The following PTPRR variants were observed in gnomAD, a reference collection of about 807,000 sequenced individuals.
PTPRR encodes protein tyrosine phosphatase receptor type R, also known as receptor-type tyrosine-protein phosphatase R.
Under a neutral mutation model 77.2 loss-of-function variants are expected in PTPRR, and 38 were observed. That is an observed-to-expected ratio of 0.49 (90% CI 0.38 to 0.65). The LOEUF is 0.65. PTPRR is among the 30% of genes least tolerant of loss of function. PTPRR has a pLI of 0.00. For missense variants in PTPRR, 744 were observed against 799.2 expected (o/e 0.93, Z 0.83); for synonymous variants, 299 against 283.1 (o/e 1.06, Z -0.57).
Position 70,868,283 on chromosome 12 carries a change from A to G in PTPRR, c.357+24396T>C, listed in dbSNP as rs1892894747. 5.9e-5 allele frequency among the ~76,000 whole-genome samples: 9 copies of G among 151,924 alleles called. No individual in the cohort carries two copies. In the South Asian group the frequency reaches 1.7e-3, roughly 28 times the overall value. On this transcript the variant is annotated intron_variant, in intron 2 of 13. Coordinates refer to ENST00000283228, the MANE Select transcript of PTPRR (RefSeq NM_002849.4). ...AAATGGGAAAAAATTTTCGCAACCT[A>G]CTCATCTGACAAAGGGCTAATATCC...
intron 2 of PTPRR, among the ~76,000 whole-genome samples, chr12:70,842,464 T>G (rs73332112): frequency 0.15 from 22,634 of 152,170 alleles, 2,436 homozygotes; most frequent in African/African-American, 0.31. Context: ...TCTCACACAG[T>G]TTTGGAGGCC....
At chr12:70,652,269 A>G (rs757030676) in intron 13 of PTPRR, among the ~76,000 whole-genome samples, 4 of 152,202 alleles carry the variant, frequency 2.6e-5, no homozygotes, top group Non-Finnish European at 5.9e-5. Flanking sequence ...GTATGATAGG[A>G]AAAAGCTGAA....
intron 6 of PTPRR, among the ~76,000 whole-genome samples, chr12:70,702,776 A>G (rs138664643): frequency 2.9e-4 from 44 of 152,198 alleles, no homozygotes; most frequent in Middle Eastern, 6.8e-3. Context: ...TTAGACATTT[A>G]TTTTCCTTAT....
intron 6 of PTPRR, among the ~76,000 whole-genome samples, chr12:70,720,509 ATTTT>A (rs34611421): frequency 6.7e-4 from 91 of 136,814 alleles, no homozygotes; most frequent in East Asian, 2.5e-3. Context: ...TACCCTGGTA[ATTTT>A]TTTTTTTTTT....
intron 2 of PTPRR, among the ~76,000 whole-genome samples, chr12:70,839,445 A>T (rs940688218): frequency 1.3e-5 from 2 of 152,148 alleles, no homozygotes; most frequent in Non-Finnish European, 2.9e-5. Context: ...GTGCAACTGC[A>T]ACATTTTCTT....
chr12:70,791,055 C>T (rs529968832), intron 2 of PTPRR, among the ~76,000 whole-genome samples: 1 of 152,296 alleles, frequency 6.6e-6, no homozygotes, highest in South Asian at 2.1e-4. Flanking sequence ...GTTCTCCCTG[C>T]TTCCACTCTG....
chr12:70,857,468 A>G (rs769579339), intron 2 of PTPRR, among the ~76,000 whole-genome samples: 9 of 152,032 alleles, frequency 5.9e-5, no homozygotes, highest in African/African-American at 9.7e-5. Context: ...AGGATAGACT[A>G]CTCTTTCAAG....
chr12:70,919,839 T>TA (rs1893828865), intron 1 of PTPRR, among the ~76,000 whole-genome samples: 1 of 152,104 alleles, frequency 6.6e-6, no homozygotes, highest in African/African-American at 2.4e-5. Flanking sequence ...GCAGCATCAC[T>TA]AATGTGAACC....
chr12:70,849,641 C>T (rs1354285288), intron 2 of PTPRR, among the ~76,000 whole-genome samples: 1 of 152,138 alleles, frequency 6.6e-6, no homozygotes, highest in African/African-American at 2.4e-5. Context: ...ATTGATTTTT[C>T]CATGAAAAGA....
At position 70,754,484 on chromosome 12, in the gene PTPRR, C is replaced by T. The variant is rs140362138; in HGVS notation, c.628-183G>A. 5 of 1,557,858 alleles carry T rather than the reference C, an allele frequency of 3.2e-6. No individual in the cohort carries two copies. In the East Asian group the frequency reaches 6.7e-5, roughly 21 times the overall value. On this transcript the variant is annotated intron_variant, in intron 4 of 13. Coordinates refer to ENST00000283228, the MANE Select transcript of PTPRR (RefSeq NM_002849.4). ...ACAACAGACTGCCATCCTTATATAT[C>T]GAGATTATTTAGTCTCCTATGCAGG... is the stretch of plus-strand genomic sequence containing the variant.
chr12:70,895,816 C>A (rs557511115), intron 1 of PTPRR, among the ~76,000 whole-genome samples: 2 of 151,670 alleles, frequency 1.3e-5, no homozygotes, highest in African/African-American at 4.8e-5. Flanking sequence ...CTATTTCCTC[C>A]TTCACTTCAG....
At chr12:70,724,438 T>C (rs1889364618) in intron 6 of PTPRR, among the ~76,000 whole-genome samples, 1 of 152,182 alleles carries the variant, frequency 6.6e-6, no homozygotes, top group Admixed American at 6.5e-5. Flanking sequence ...TTAATTGAGA[T>C]AATATGTGTG....
chr12:70,814,170 C>G (rs1565706313), intron 2 of PTPRR, among the ~76,000 whole-genome samples: 1 of 152,198 alleles, frequency 6.6e-6, no homozygotes, highest in East Asian at 1.9e-4. Flanking sequence ...GCTTGCATAA[C>G]AAGAGAGAAA....
At chr12:70,659,284 T>G (rs1244725764) in intron 12 of PTPRR, among the ~76,000 whole-genome samples, 1 of 151,878 alleles carries the variant, frequency 6.6e-6, no homozygotes, top group Non-Finnish European at 1.5e-5. Flanking sequence ...GGTGAGAGCA[T>G]GGGGGAATGC....
At chr12:70,701,791 G>A (rs921406534) in intron 6 of PTPRR, among the ~76,000 whole-genome samples, 1 of 151,958 alleles carries the variant, frequency 6.6e-6, no homozygotes, top group Non-Finnish European at 1.5e-5. Flanking sequence ...TGGGCAACAT[G>A]GTAAAACCCT....
intron 2 of PTPRR, among the ~76,000 whole-genome samples, chr12:70,794,480 A>G (rs1891476191): frequency 6.6e-6 from 1 of 152,172 alleles, no homozygotes; most frequent in Admixed American, 6.5e-5. Flanking sequence ...GGGAAGAGGA[A>G]TGTAGATCAA....
At chr12:70,780,104 G>T (rs1006990482) in intron 2 of PTPRR, among the ~76,000 whole-genome samples, 5 of 151,840 alleles carry the variant, frequency 3.3e-5, no homozygotes, top group Middle Eastern at 3.2e-3. Flanking sequence ...TGATTCTCCT[G>T]CCTCAGCCTC....
chr12:70,823,128 C>T (rs1892050387), intron 2 of PTPRR, among the ~76,000 whole-genome samples: 2 of 151,202 alleles, frequency 1.3e-5, no homozygotes, highest in African/African-American at 4.9e-5. Context: ...CACACACACA[C>T]ACACACACAC....
At chr12:70,839,680 T>C (rs1892363305) in intron 2 of PTPRR, among the ~76,000 whole-genome samples, 1 of 152,096 alleles carries the variant, frequency 6.6e-6, no homozygotes, top group Non-Finnish European at 1.5e-5. Flanking sequence ...ATTACCAACT[T>C]TGTGATAAAT....
Sources: gnomAD v4.1 joint callset for allele counts (sites outside exome capture counted in the v4.1 genomes callset) on GRCh38, gnomAD v4.1.1 for gene constraint, MANE v1.5 for transcripts, NCBI Gene and HGNC (gene_info 2026-07-23, HGNC 2026-07-21) for gene names.